VPS13D: variants seen among roughly 807,000 people sequenced by gnomAD.
VPS13D encodes the protein vacuolar protein sorting 13 homolog D.
In VPS13D, 187 loss-of-function variants were observed where a neutral mutation model predicts 461.9. The ratio of observed to expected loss-of-function variants is 0.40; its 90% CI spans 0.36 to 0.46. VPS13D has a LOEUF of 0.46. VPS13D is among the 20% of genes least tolerant of loss of function. The probability of loss-of-function intolerance (pLI) is 0.60; values close to 1 mark genes in which losing one functional copy is unlikely to be tolerated. For missense variants in VPS13D, 4,711 were observed against 5,364.9 expected, an observed-to-expected ratio of 0.88 and a Z score of 3.81; for synonymous variants, 1,951 against 1,986.3, an observed-to-expected ratio of 0.98 and a Z score of 0.47.
chr1:12,352,548 TAAAAA>T (rs1048050711), intron 46 of VPS13D, among the ~76,000 whole-genome samples: 1 of 151,818 alleles, frequency 6.6e-6, no homozygotes, highest in African/African-American at 2.4e-5. Context: ...ATGGCTGAAA[TAAAAA>T]AAGAATGACA....
intron 9 of VPS13D, among the ~76,000 whole-genome samples, chr1:12,257,525 T>C (rs540675107): frequency 6.6e-6 from 1 of 152,246 alleles, no homozygotes; most frequent in Non-Finnish European, 1.5e-5. Context: ...TTGACCAGTC[T>C]GATATAATAA....
chr1:12,502,699 G>T lies in VPS13D; in HGVS notation c.12795-4154G>T, dbSNP rs951538734. 1.3e-5 allele frequency among the ~76,000 whole-genome samples: 2 copies of T among 151,960 alleles called. No homozygotes were observed. Among genetic ancestry groups the T allele is most frequent in the Non-Finnish European group, 2.9e-5 (2 of 67,990 alleles). On this transcript the variant is annotated intron_variant, in intron 68 of 69. Transcript: ENST00000620676. This position sits in a 1 kb window ranked among gnomAD's most constrained non-coding sequence, Gnocchi z 4.3. ...GTAGAGTGGCTGAAACAGTTACTTGGCAGATTTCTCCCTGAGAGAAGCTGG... is the reference window on the plus strand; with the variant it reads ...GTAGAGTGGCTGAAACAGTTACTTGTCAGATTTCTCCCTGAGAGAAGCTGG...
At chr1:12,259,033 TTTC>T (rs754882138) in intron 10 of VPS13D, among the ~76,000 whole-genome samples, 57 of 151,694 alleles carry the variant, frequency 3.8e-4, no homozygotes, top group African/African-American at 5.8e-4. Flanking sequence ...TTTCTTTTCT[TTTC>T]TTCTTCTTCT....
rs887363975 is a variant in VPS13D at position 12,310,101 on chromosome 1, CA to C, written c.6651-1344del. 4.2e-5 allele frequency among the ~76,000 whole-genome samples: 6 copies of C among 144,414 alleles called. No individual in the cohort carries two copies. The South Asian group carries it at 6.4e-4, about 15-fold the overall frequency. 94.7% of individuals were successfully genotyped at this position (144,414 alleles called of 152,430 possible). On this transcript the variant is annotated intron_variant, in intron 27 of 69. Coordinates refer to ENST00000620676, the MANE Select transcript of VPS13D (RefSeq NM_015378.4). ...TTTTCAAGCAATGCTTTCCAAAAAA[CA>C]AAAAAAAAGCTTTCCTATTCAGCTT...
chr1:12,233,253 G>T (rs1299902626), intron 1 of VPS13D, among the ~76,000 whole-genome samples: 2 of 152,130 alleles, frequency 1.3e-5, no homozygotes, highest in African/African-American at 4.8e-5. Context: ...TGATCCACCT[G>T]CCTCGGCCTC....
intron 60 of VPS13D, among the ~76,000 whole-genome samples, chr1:12,390,435 A>G (rs1344809165): frequency 6.6e-6 from 1 of 152,224 alleles, no homozygotes; most frequent in African/African-American, 2.4e-5. Context: ...TTCCATGAGC[A>G]TGAGTCCACT....
intron 50 of VPS13D, among the ~76,000 whole-genome samples, chr1:12,360,915 T>C (rs1369855207): frequency 1.3e-5 from 2 of 152,214 alleles, no homozygotes; most frequent in African/African-American, 2.4e-5. Context: ...TCTATTTTAA[T>C]GGTTCTCTTG....
intron 25 of VPS13D, among the ~76,000 whole-genome samples, chr1:12,301,433 A>G (rs1244973669): frequency 6.6e-6 from 1 of 152,132 alleles, no homozygotes; most frequent in Non-Finnish European, 1.5e-5. Flanking sequence ...AGGGGAGCAC[A>G]TTTACTGGTT....
rs530568282 is a variant in VPS13D at position 12,282,178 on chromosome 1, G to C, written c.4603-527G>C. Among the ~76,000 whole-genome samples the C allele has an allele frequency of 3.9e-5, 6 of 152,324 alleles. No individual in the cohort carries two copies. In the East Asian group the frequency reaches 1.2e-3, roughly 29 times the overall value. On this transcript the variant is annotated intron_variant, in intron 20 of 69. Coordinates refer to ENST00000620676, the MANE Select transcript of VPS13D (RefSeq NM_015378.4). ...GCTGGGATTACAGACGTGAGCCACT[G>C]TGCCTGGCTGAAAATATTTTTAATA...
At chr1:12,460,595 T>TA (rs1461787216) in intron 67 of VPS13D, among the ~76,000 whole-genome samples, 199 bp downstream of exon 67, 2 of 151,060 alleles carry the variant, frequency 1.3e-5, no homozygotes, top group East Asian at 3.9e-4. Flanking sequence ...TTTTTTCAGA[T>TA]AAATATATAT....
In VPS13D at chr1:12,343,069, C is replaced by A. The variant is rs373267615; in HGVS notation, c.8885+18C>A. 9 of 1,574,608 alleles carry A rather than the reference C, an allele frequency of 5.7e-6. No homozygotes were observed. In the African/African-American group the frequency reaches 8.1e-5, roughly 14 times the overall value. On this transcript the variant is annotated intron_variant, in intron 42 of 69. Coordinates refer to ENST00000620676, the MANE Select transcript of VPS13D (RefSeq NM_015378.4). ...AGACACAGGTAAAGTATGGTTTATTCTTTTCTTTAAAAAAAAGAAAGTGGA... is the reference window on the plus strand; with the variant it reads ...AGACACAGGTAAAGTATGGTTTATTATTTTCTTTAAAAAAAAGAAAGTGGA...
At chr1:12,451,225 G>A (rs1435817164) in intron 65 of VPS13D, among the ~76,000 whole-genome samples, 1 of 152,258 alleles carries the variant, frequency 6.6e-6, no homozygotes, top group East Asian at 1.9e-4. Flanking sequence ...CTAATTTGCA[G>A]TGTCTCCATT....
chr1:12,464,416 A>G (rs1452743197), intron 67 of VPS13D, among the ~76,000 whole-genome samples: 1 of 152,180 alleles, frequency 6.6e-6, no homozygotes, highest in African/African-American at 2.4e-5. Context: ...CTTAGCATCT[A>G]TGTTTTAAAA....
At chr1:12,432,409 A>G (rs1383385138) in intron 65 of VPS13D, among the ~76,000 whole-genome samples, 8 of 151,648 alleles carry the variant, frequency 5.3e-5, no homozygotes, top group Non-Finnish European at 7.4e-5. Context: ...AAAAAAAAAA[A>G]GAAAAGAGCG....
intron 2 of VPS13D, among the ~76,000 whole-genome samples, chr1:12,235,552 G>A (rs1242795117): frequency 6.6e-6 from 1 of 152,028 alleles, no homozygotes; most frequent in Non-Finnish European, 1.5e-5. Flanking sequence ...TCCAGCCTGG[G>A]CAACAAGAGT....
chr1:12,290,710 T>G (rs995652900), intron 22 of VPS13D, among the ~76,000 whole-genome samples: 28 of 149,400 alleles, frequency 1.9e-4, no homozygotes, highest in Admixed American at 1.8e-3. Context: ...GCGACAGAGC[T>G]AGACTCTGTC....
intron 68 of VPS13D, among the ~76,000 whole-genome samples, chr1:12,506,412 C>T (rs1011520371): frequency 2.0e-5 from 3 of 152,130 alleles, no homozygotes; most frequent in African/African-American, 7.2e-5. Flanking sequence ...AGGGAGGAAG[C>T]GGATGGGGAG....
chr1:12,383,653 A>C (rs972033701), intron 58 of VPS13D, among the ~76,000 whole-genome samples: 3 of 152,200 alleles, frequency 2.0e-5, no homozygotes, highest in Non-Finnish European at 4.4e-5. Flanking sequence ...GAATTAGCCA[A>C]ATAGAAAGGT....
At position 12,293,616 on chromosome 1, in the gene VPS13D, T is replaced by C; in HGVS notation, c.5945T>C (p.Phe1982Ser). The C allele has an allele frequency of 6.2e-7, 1 of 1,614,160 alleles. No homozygotes were observed. The highest frequency in any genetic ancestry group is 8.5e-7 in the Non-Finnish European group (1 of 1,180,020). The change falls in exon 24 of 70, where the codon TTC becomes TCC. Residue 1982 changes from phenylalanine to serine, a missense_variant. By Grantham distance (155) the Phe-to-Ser change is radical (BLOSUM62 -2). This residue lies in a region of VPS13D where 4,411 missense variants were observed against 4,937.8 expected (regional missense o/e 0.89). Transcript: ENST00000620676. ...GTGCAGTATGTGCATACTCAGCGTTTCCAGGCAGAGGTGGTGGCCTTCATT... is the reference window on the plus strand; with the variant it reads ...GTGCAGTATGTGCATACTCAGCGTTCCCAGGCAGAGGTGGTGGCCTTCATT... Reference protein sequence around the residue: ...ASVQYVHTQRFQAEVVAFIQH... With the variant: ...ASVQYVHTQRSQAEVVAFIQH...
Sources: allele counts gnomAD v4.1 joint callset (sites outside exome capture counted in the v4.1 genomes callset), GRCh38; gene constraint gnomAD v4.1.1; regional missense constraint gnomAD v4.1.1; non-coding constraint Gnocchi (gnomAD v3.1); transcripts MANE v1.5; gene names NCBI Gene and HGNC (gene_info 2026-07-23, HGNC 2026-07-21).